SLC22A5: variants seen among roughly 807,000 people sequenced by gnomAD.
The protein encoded by SLC22A5 is solute carrier family 22 member 5, also known as organic cation/carnitine transporter 2.
Under a neutral mutation model 56.7 loss-of-function variants are expected in SLC22A5, and 44 were observed. The ratio of observed to expected loss-of-function variants is 0.78; its 90% confidence interval spans 0.61 to 1.00. The LOEUF (loss-of-function observed/expected upper bound fraction) is 1.00, where lower values mean the gene tolerates loss of function less well. Among genes scored for constraint, SLC22A5 ranks in the 50% least tolerant of loss-of-function variants. SLC22A5 has a pLI of 0.00. For missense variants in SLC22A5, 675 were observed against 723.0 expected (o/e 0.93, Z 0.76); for synonymous variants, 278 against 292.1 (o/e 0.95, Z 0.49).
rs1445394951 is a variant in SLC22A5 at position 132,369,917 on chromosome 5, A to G, written c.-56A>G. The G allele has an allele frequency of 1.0e-5, 16 of 1,599,864 alleles. No individual in the cohort carries two copies. Among genetic ancestry groups the G allele is most frequent in the Non-Finnish European group, 1.4e-5 (16 of 1,174,680 alleles). On this transcript the variant is annotated 5_prime_UTR_variant, in exon 1 of 10. Coordinates refer to ENST00000245407, the MANE Select transcript of SLC22A5 (RefSeq NM_003060.4). ...CGGCGGGTGCCCCGCGCGCACGCGCAAAGCCCGCCGCGTTCCCCGACCCCA... is the reference window on the plus strand; with the variant it reads ...CGGCGGGTGCCCCGCGCGCACGCGCGAAGCCCGCCGCGTTCCCCGACCCCA...
intron 5 of SLC22A5, among the ~76,000 whole-genome samples, chr5:132,387,598 G>A (rs1029962621): frequency 6.6e-6 from 1 of 151,940 alleles, no homozygotes; most frequent in South Asian, 2.1e-4. Flanking sequence ...TTCATCTCTT[G>A]AGTATTAGCA....
At chr5:132,389,361 G>C in intron 6 of SLC22A5, 1 of 358,510 alleles carries the variant, frequency 2.8e-6, no homozygotes, top group Admixed American at 3.8e-5. Flanking sequence ...AGGCCAGGTA[G>C]GGCTTTTAAG....
At chr5:132,393,895 G>A (rs542288779) in intron 9 of SLC22A5, 84 bp downstream of exon 9, 35 of 1,482,696 alleles carry the variant, frequency 2.4e-5, no homozygotes, top group South Asian at 2.2e-4. Context: ...AGAGCTACTC[G>A]CAAACTCCCT....
At chr5:132,378,506 C>G (rs751590435) in intron 2 of SLC22A5, 25 bp downstream of exon 2, 1 of 1,554,388 alleles carries the variant, frequency 6.4e-7, no homozygotes, top group East Asian at 2.2e-5. Context: ...TTCTGGAGCA[C>G]CAGGGGACCT....
intron 8 of SLC22A5, 110 bp downstream of exon 8, chr5:132,392,725 A>G (rs533707123): frequency 1.1e-6 from 1 of 902,284 alleles, no homozygotes; most frequent in South Asian, 1.4e-5. Flanking sequence ...CATACAGTAC[A>G]TGGGCTCCAT....
intron 1 of SLC22A5, among the ~76,000 whole-genome samples, chr5:132,371,220 C>T (rs999179996): frequency 2.0e-5 from 3 of 152,158 alleles, no homozygotes; most frequent in African/African-American, 7.2e-5. Flanking sequence ...CTGCTTCTGC[C>T]TCCAAAGCTG....
At position 132,385,341 on chromosome 5, in the gene SLC22A5, T is replaced by A. The variant is rs1752485593; in HGVS notation, c.666T>A (p.Leu222=). The A allele has an allele frequency of 1.2e-6, 2 of 1,614,090 alleles. No individual in the cohort carries two copies. The highest frequency in any genetic ancestry group is 1.7e-6 in the Non-Finnish European group (2 of 1,180,014). Reference sequence around the variant, plus strand: ...TGTTTTGAACAGGGACAGAAATTCTTGGCAAGTCAGTTCGTATAATATTCT... The same window carrying A: ...TGTTTTGAACAGGGACAGAAATTCTAGGCAAGTCAGTTCGTATAATATTCT... The part of the protein sequence containing the change: ...VAAFVLGTEI[L]GKSVRIIFST... Residue 222 remains leucine, a synonymous_variant, in exon 4 of 10, where the codon CTT becomes CTA. Transcript: ENST00000245407.
intron 2 of SLC22A5, 179 bp from the exon 3 acceptor site, chr5:132,383,968 T>G (rs1180984414): frequency 3.0e-6 from 2 of 662,756 alleles, no homozygotes; most frequent in Admixed American, 2.2e-5. Flanking sequence ...TCATGGGGAG[T>G]GGGGAGGGGG....
rs188698686 is a variant in SLC22A5 at position 132,385,369 on chromosome 5, A to G, written c.694A>G (p.Thr232Ala). Residue 232 changes from threonine (T) to alanine (A), a missense_variant, in exon 4 of 10, where the codon ACG becomes GCG. Thr to Ala is a moderately conservative substitution (Grantham distance 58). Coordinates refer to ENST00000245407, the MANE Select transcript of SLC22A5 (RefSeq NM_003060.4). ...LGKSVRIIFS[T>A]LGVCIFYAFG... ...CAAGTCAGTTCGTATAATATTCTCTACGTTAGGAGTGTGCATATTTTATGC... is the reference window on the plus strand; with the variant it reads ...CAAGTCAGTTCGTATAATATTCTCTGCGTTAGGAGTGTGCATATTTTATGC... The G allele has an allele frequency of 8.7e-6, 14 of 1,614,060 alleles. No homozygotes were observed. In the Admixed American group the frequency reaches 1.2e-4, roughly 13 times the overall value.
intron 1 of SLC22A5, among the ~76,000 whole-genome samples, chr5:132,373,711 A>G (rs533377391): frequency 6.6e-6 from 1 of 152,278 alleles, no homozygotes; most frequent in African/African-American, 2.4e-5. Flanking sequence ...TGTTCCAGGA[A>G]TAGTTTGGTG....
At position 132,369,897 on chromosome 5, in the gene SLC22A5, G is replaced by C; in HGVS notation, c.-76G>C. ...TGCCTGGCTTGCCTGGTCGGCGGCG[G>C]GTGCCCCGCGCGCACGCGCAAAGCC... On this transcript the variant is annotated 5_prime_UTR_variant, in exon 1 of 10. Coordinates refer to ENST00000245407, the MANE Select transcript of SLC22A5 (RefSeq NM_003060.4). 1 of 1,566,644 alleles carries C rather than the reference G, an allele frequency of 6.4e-7. No individual in the cohort carries two copies. Among genetic ancestry groups the C allele is most frequent in the Middle Eastern group, 2.3e-4 (1 of 4,428 alleles).
chr5:132,384,784 G>A (rs956495175), intron 3 of SLC22A5, among the ~76,000 whole-genome samples: 7 of 152,140 alleles, frequency 4.6e-5, no homozygotes, highest in African/African-American at 1.7e-4. Context: ...AGGGGCTTTC[G>A]TCACCTTCAG....
At chr5:132,384,424 A>C in intron 3 of SLC22A5, 123 bp downstream of exon 3, 2 of 1,054,064 alleles carry the variant, frequency 1.9e-6, no homozygotes, top group Non-Finnish European at 2.9e-6. Flanking sequence ...AAAACTAGCC[A>C]GAGCTTCCTG....
chr5:132,370,763 A>ATT (rs991438998), intron 1 of SLC22A5, among the ~76,000 whole-genome samples: 8 of 152,046 alleles, frequency 5.3e-5, no homozygotes, highest in Admixed American at 3.3e-4. Context: ...TAGTCTCTTG[A>ATT]TTTCTTTTTA....
intron 1 of SLC22A5, 148 bp from the exon 2 acceptor site, chr5:132,378,230 G>A: frequency 6.2e-7 from 1 of 1,613,938 alleles, no homozygotes; most frequent in African/African-American, 1.3e-5. Flanking sequence ...CTGCCTTCCT[G>A]CCCAGGTGAG....
In SLC22A5 at chr5:132,373,551, G is replaced by A. The variant is rs145533082; in HGVS notation, c.393+3186G>A. Among the ~76,000 whole-genome samples, 771 of 152,024 alleles carry A rather than the reference G, an allele frequency of 5.1e-3. 6 individuals carry two copies. The highest frequency in any genetic ancestry group is 0.018 in the African/African-American group (748 of 41,468). ...CTTGGGAGACTGAAGCAGGAGAATC[G>A]CTTGAACCCAGGAGGCGGGCTTTGC... On this transcript the variant is annotated intron_variant, in intron 1 of 9. Transcript: ENST00000245407.
chr5:132,393,256 C>G (rs972825142), intron 8 of SLC22A5, among the ~76,000 whole-genome samples: 1 of 150,928 alleles, frequency 6.6e-6, no homozygotes, highest in Non-Finnish European at 1.5e-5. Flanking sequence ...GCAAAAGCAC[C>G]CTGCCTAATC....
At position 132,394,239 on chromosome 5, in the gene SLC22A5, A is replaced by C. The variant is rs1485984674; in HGVS notation, c.1641A>C (p.Glu547Asp). The C allele has an allele frequency of 1.1e-5, 17 of 1,613,470 alleles. No individual in the cohort carries two copies. The highest frequency in any genetic ancestry group is 1.3e-5 in the Non-Finnish European group (15 of 1,179,418). ...CAAGGATGTTAAAAGATGGTCAAGA[A>C]AGGCCCACAATCCTTAAAAGCACAG... ...SHTRMLKDGQ[E>D]RPTILKSTAF is the part of the protein sequence containing the mutation. The change falls in exon 10 of 10, where the codon GAA becomes GAC. Residue 547 changes from glutamate (E) to aspartate (D), a missense_variant. Glu to Asp is a conservative substitution (Grantham distance 45). Coordinates refer to ENST00000245407, the MANE Select transcript of SLC22A5 (RefSeq NM_003060.4).
intron 1 of SLC22A5, among the ~76,000 whole-genome samples, chr5:132,374,525 T>G (rs1264307511): frequency 1.3e-5 from 2 of 152,210 alleles, no homozygotes; most frequent in Admixed American, 1.3e-4. Flanking sequence ...AACCTCACTG[T>G]TACGCCTTTG....
Sources: gnomAD v4.1 joint callset for allele counts (sites outside exome capture counted in the v4.1 genomes callset) on GRCh38, gnomAD v4.1.1 for gene constraint, MANE v1.5 for transcripts, NCBI Gene and HGNC (gene_info 2026-07-23, HGNC 2026-07-21) for gene names.